Variants in GLIS3 observed in about 807,000 individuals in gnomAD.
GLIS3 encodes the protein GLIS family zinc finger 3.
In GLIS3, 53 loss-of-function variants were observed where a neutral mutation model predicts 78.6. The observed-to-expected ratio is 0.67, with a 90% CI of 0.54 to 0.85. The LOEUF (loss-of-function observed/expected upper bound fraction) is 0.85, where lower values mean the gene tolerates loss of function less well. GLIS3 is among the 40% of genes least tolerant of loss of function. The pLI, the probability that GLIS3 is intolerant of heterozygous loss-of-function variation, is 0.00. For missense variants in GLIS3, 1,703 were observed against 1,231.1 expected, an observed-to-expected ratio of 1.38 and a Z score of -5.74; for synonymous variants, 684 against 509.9, an observed-to-expected ratio of 1.34 and a Z score of -4.60.
intron 2 of GLIS3, among the ~76,000 whole-genome samples, chr9:4,268,735 T>G (rs1056675254): frequency 6.6e-6 from 1 of 152,172 alleles, no homozygotes; most frequent in African/African-American, 2.4e-5. Context: ...CTTGTTGATT[T>G]GATTCTGGAA....
the GLIS3 span, among the ~76,000 whole-genome samples, chr9:4,356,299 A>C: frequency 1.5e-4 from 23 of 152,300 alleles, 2 homozygotes; most frequent in South Asian, 2.7e-3. Flanking sequence ...TGGTATGTGC[A>C]AGTGATCCAG....
At chr9:4,188,763 G>T (rs1818042186) in intron 2 of GLIS3, among the ~76,000 whole-genome samples, 1 of 152,184 alleles carries the variant, frequency 6.6e-6, no homozygotes, top group Non-Finnish European at 1.5e-5. Context: ...ATTTCTTCTA[G>T]ATTTTCTAGT....
chr9:4,226,041 A>C (rs367562585), intron 2 of GLIS3, among the ~76,000 whole-genome samples: 2 of 152,222 alleles, frequency 1.3e-5, no homozygotes, highest in African/African-American at 4.8e-5. Context: ...GTAATGTTCC[A>C]GCACATTTAA....
chr9:4,409,779 A>T, the GLIS3 span, among the ~76,000 whole-genome samples: 3 of 152,176 alleles, frequency 2.0e-5, no homozygotes, highest in Non-Finnish European at 4.4e-5. Flanking sequence ...TAAAACAAAG[A>T]TTGTCAAAGA....
intron 4 of GLIS3, among the ~76,000 whole-genome samples, chr9:4,038,751 G>A (rs1397494256): frequency 2.0e-5 from 3 of 152,148 alleles, no homozygotes; most frequent in Admixed American, 2.0e-4. Context: ...TTTCTTCAAA[G>A]TTTACATCTG....
chr9:4,115,564 CA>C (rs1369608068), intron 4 of GLIS3, among the ~76,000 whole-genome samples: 3 of 152,082 alleles, frequency 2.0e-5, no homozygotes, highest in Non-Finnish European at 4.4e-5. Context: ...CTGTGGATTA[CA>C]ACTTAAGAGG....
the GLIS3 span, among the ~76,000 whole-genome samples, chr9:4,442,114 G>A: frequency 6.6e-6 from 1 of 152,140 alleles, no homozygotes; most frequent in African/African-American, 2.4e-5. Flanking sequence ...TTTCACTCCT[G>A]ACTCAATCTC....
chr9:4,481,062 C>T, the GLIS3 span, among the ~76,000 whole-genome samples: 2 of 152,246 alleles, frequency 1.3e-5, no homozygotes, highest in East Asian at 3.9e-4. Context: ...TTCCATGTTG[C>T]TCAGTCTGGT....
chr9:4,209,496 T>G (rs73398500), intron 2 of GLIS3, among the ~76,000 whole-genome samples: 3,774 of 152,314 alleles, frequency 0.025, 169 homozygotes, highest in African/African-American at 0.086. Flanking sequence ...CAAGATGGAC[T>G]TCCTTTTCCC....
At chr9:4,466,106 C>T in the GLIS3 span, among the ~76,000 whole-genome samples, 1 of 151,938 alleles carries the variant, frequency 6.6e-6, no homozygotes, top group African/African-American at 2.4e-5. Context: ...ATTACCAATA[C>T]CAAAAGTGAA....
the GLIS3 span, among the ~76,000 whole-genome samples, chr9:4,451,027 T>C: frequency 6.6e-6 from 1 of 152,198 alleles, no homozygotes; most frequent in Non-Finnish European, 1.5e-5. Context: ...ATGGGCTAAA[T>C]GCCCCAATTA....
At chr9:4,256,275 T>C (rs535419169) in intron 2 of GLIS3, among the ~76,000 whole-genome samples, 3 of 152,182 alleles carry the variant, frequency 2.0e-5, no homozygotes, top group Non-Finnish European at 4.4e-5. Context: ...GATCTTTGTA[T>C]CATACCATTC....
Position 3,828,056 on chromosome 9 carries a change from T to C in GLIS3, c.*216A>G, listed in dbSNP as rs1050987299. 8 of 594,778 alleles carry C rather than the reference T, an allele frequency of 1.3e-5. No homozygotes were observed. The highest frequency in any genetic ancestry group is 2.8e-5 in the Admixed American group (1 of 35,464). 36.8% of individuals were successfully genotyped at this position (594,778 alleles called of 1,614,324 possible). A position where few individuals can be genotyped will look rare whatever the true frequency, so the allele number is the denominator to read the frequency against. On this transcript the variant is annotated 3_prime_UTR_variant, in exon 11 of 11. Coordinates refer to ENST00000381971, the MANE Select transcript of GLIS3 (RefSeq NM_001042413.2). ...TGAAAAGACAGTCCTCCTGGTCACA[T>C]AGTCCAGGAAAACCAGAGAGAAAAA...
At chr9:3,910,984 T>A (rs1824102832) in intron 6 of GLIS3, among the ~76,000 whole-genome samples, 1 of 152,196 alleles carries the variant, frequency 6.6e-6, no homozygotes, top group Admixed American at 6.5e-5. Context: ...TAACCAGCTG[T>A]CTGACCAGGA....
the GLIS3 span, among the ~76,000 whole-genome samples, chr9:4,465,295 C>T: frequency 5.9e-5 from 9 of 152,226 alleles, no homozygotes; most frequent in African/African-American, 2.2e-4. Context: ...TGCCTGTAAT[C>T]CCGGCACTTT....
intron 4 of GLIS3, among the ~76,000 whole-genome samples, chr9:3,960,701 A>C (rs1817488336): frequency 6.6e-6 from 1 of 152,116 alleles, no homozygotes; most frequent in African/African-American, 2.4e-5. Flanking sequence ...GGGCCTACCA[A>C]CCCTGGGCAG....
chr9:4,257,125 G>T (rs1347401308), intron 2 of GLIS3, among the ~76,000 whole-genome samples: 3 of 152,140 alleles, frequency 2.0e-5, no homozygotes, highest in Admixed American at 6.5e-5. Context: ...TTATCCATTT[G>T]TCTGTTGATG....
intron 2 of GLIS3, among the ~76,000 whole-genome samples, chr9:4,143,841 T>C (rs1834004108): frequency 6.6e-6 from 1 of 152,236 alleles, no homozygotes; most frequent in Non-Finnish European, 1.5e-5. Flanking sequence ...TTCTGTAGCA[T>C]CTTTTGTCTT....
At chr9:4,000,668 C>A (rs1057470060) in intron 4 of GLIS3, among the ~76,000 whole-genome samples, 1 of 152,166 alleles carries the variant, frequency 6.6e-6, no homozygotes, top group African/African-American at 2.4e-5. Context: ...AATCTAACTT[C>A]CAGCAAGGCA....
Sources: allele counts gnomAD v4.1 joint callset (sites outside exome capture counted in the v4.1 genomes callset), GRCh38; gene constraint gnomAD v4.1.1; transcripts MANE v1.5; gene names NCBI Gene and HGNC (gene_info 2026-07-23, HGNC 2026-07-21).